Variants in CERS6 observed in about 807,000 individuals in gnomAD.
The protein encoded by CERS6 is ceramide synthase 6.
A neutral mutation model predicts 56.8 loss-of-function variants in CERS6; 26 were observed. That is an observed-to-expected ratio of 0.46 (90% CI 0.34 to 0.63). CERS6 has a LOEUF of 0.63. Among genes scored for constraint, CERS6 ranks in the 30% least tolerant of loss-of-function variants. CERS6 has a pLI of 0.01. For synonymous variants in CERS6, 164 were observed against 173.3 expected (o/e 0.95, Z 0.42); for missense variants, 415 against 467.5 (o/e 0.89, Z 1.04).
chr2:168,649,360 C>A (rs1375485874), intron 4 of CERS6, among the ~76,000 whole-genome samples: 1 of 152,134 alleles, frequency 6.6e-6, no homozygotes, highest in East Asian at 1.9e-4. Flanking sequence ...AATGGCCTCT[C>A]CTGGTAAAAA....
chr2:168,719,999 GATCTTGGAT>G (rs1687320494), intron 8 of CERS6, among the ~76,000 whole-genome samples: 1 of 150,970 alleles, frequency 6.6e-6, no homozygotes, highest in Non-Finnish European at 1.5e-5. Flanking sequence ...GCAGTGGTGT[GATCTTGGAT>G]CACTGCAGTC....
intron 3 of CERS6, among the ~76,000 whole-genome samples, chr2:168,602,746 T>C (rs1683965018): frequency 1.3e-5 from 2 of 152,216 alleles, no homozygotes; most frequent in South Asian, 2.1e-4. Flanking sequence ...TATTTGTGTA[T>C]GCATAAAGGA....
At chr2:168,609,937 T>C (rs1684142638) in intron 3 of CERS6, among the ~76,000 whole-genome samples, 1 of 151,550 alleles carries the variant, frequency 6.6e-6, no homozygotes, top group Non-Finnish European at 1.5e-5. Context: ...ACTCCAAATA[T>C]TGTCACAAGC....
At chr2:168,768,362 TG>T (rs1684774930) in intron 9 of CERS6, among the ~76,000 whole-genome samples, 1 of 151,826 alleles carries the variant, frequency 6.6e-6, no homozygotes, top group African/African-American at 2.4e-5. Flanking sequence ...CCAGAGTAGC[TG>T]AGATTACAGA....
chr2:168,488,516 T>C (rs1694313601), intron 1 of CERS6, among the ~76,000 whole-genome samples: 1 of 152,148 alleles, frequency 6.6e-6, no homozygotes, highest in South Asian at 2.1e-4. Flanking sequence ...AAAAATCTTT[T>C]TTCATGGGTG....
intron 1 of CERS6, among the ~76,000 whole-genome samples, chr2:168,536,871 C>G (rs374921337): frequency 6.6e-6 from 1 of 152,074 alleles, no homozygotes; most frequent in East Asian, 1.9e-4. Context: ...ACTTTCTACA[C>G]TTGATGTAAT....
At chr2:168,593,963 TA>T (rs1683735548) in intron 3 of CERS6, among the ~76,000 whole-genome samples, 1 of 152,246 alleles carries the variant, frequency 6.6e-6, no homozygotes, top group Non-Finnish European at 1.5e-5. Context: ...CCAGGAATGG[TA>T]TTGCTACATT....
intron 4 of CERS6, among the ~76,000 whole-genome samples, chr2:168,636,225 A>G (rs374704806): frequency 7.9e-5 from 12 of 152,202 alleles, no homozygotes; most frequent in East Asian, 7.7e-4. Flanking sequence ...AATTTCAGAA[A>G]GATGAATTGA....
chr2:168,720,486 T>C (rs565060002), intron 8 of CERS6, among the ~76,000 whole-genome samples: 58 of 152,120 alleles, frequency 3.8e-4, no homozygotes, highest in Non-Finnish European at 7.4e-4. Context: ...TGATTGACAT[T>C]CTTAAGTCTG....
intron 3 of CERS6, among the ~76,000 whole-genome samples, chr2:168,598,494 C>CA (rs1234581250): frequency 3.3e-5 from 5 of 150,430 alleles, no homozygotes; most frequent in African/African-American, 1.2e-4. Flanking sequence ...TGGCAAGGGG[C>CA]AAAAAAATAG....
chr2:168,695,132 C>T, intron 6 of CERS6, 81 bp downstream of exon 6: 1 of 1,019,726 alleles, frequency 9.8e-7, no homozygotes. Flanking sequence ...CTCTCAAAGG[C>T]ACTCACCCCT....
At chr2:168,670,650 G>T (rs1685884289) in intron 4 of CERS6, among the ~76,000 whole-genome samples, 1 of 152,130 alleles carries the variant, frequency 6.6e-6, no homozygotes, top group Non-Finnish European at 1.5e-5. Flanking sequence ...TACAATGATA[G>T]TGATTTCCTT....
chr2:168,569,680 C>T (rs1270758873), intron 3 of CERS6, among the ~76,000 whole-genome samples: 10 of 152,206 alleles, frequency 6.6e-5, no homozygotes, highest in Admixed American at 1.3e-4. Context: ...GACATTCACA[C>T]TTTTACCACA....
intron 3 of CERS6, among the ~76,000 whole-genome samples, chr2:168,610,047 G>A (rs371659500): frequency 5.1e-5 from 7 of 136,656 alleles, no homozygotes; most frequent in Non-Finnish European, 4.6e-5. Context: ...GCGCGACCTC[G>A]GCTCACTGCA....
At chr2:168,504,951 C>T (rs367864958) in intron 1 of CERS6, among the ~76,000 whole-genome samples, 35 of 152,192 alleles carry the variant, frequency 2.3e-4, no homozygotes, top group African/African-American at 7.9e-4. Context: ...GTGTATCAGG[C>T]GGTTCTCTTA....
Position 168,559,733 on chromosome 2 carries a change from TCATATATATA to T in CERS6, c.277-1458_277-1449del, listed in dbSNP as rs1236178543. Among the ~76,000 whole-genome samples the T allele has an allele frequency of 3.5e-4, 23 of 66,288 alleles. 4 individuals carry two copies. In the South Asian group the frequency reaches 5.7e-3, roughly 16 times the overall value. 43.5% of individuals were successfully genotyped at this position (66,288 alleles called of 152,430 possible). A position where few individuals can be genotyped will look rare whatever the true frequency, so the allele number is the denominator to read the frequency against. On this transcript the variant is annotated intron_variant, in intron 2 of 9. Coordinates refer to ENST00000305747, the MANE Select transcript of CERS6 (RefSeq NM_203463.3). ...TGCTTGAGCTGCTTTTAGAAAGGTA[TCATATATATA>T]TATATATATATTTCACCCTTATTAC...
intron 4 of CERS6, among the ~76,000 whole-genome samples, chr2:168,643,908 A>C (rs563785797): frequency 2.9e-4 from 44 of 152,336 alleles, no homozygotes; most frequent in African/African-American, 1.0e-3. Flanking sequence ...TCCAGAATTT[A>C]AGATGTGGAT....
chr2:168,497,241 G>T (rs1436357639), intron 1 of CERS6, among the ~76,000 whole-genome samples: 9 of 152,178 alleles, frequency 5.9e-5, no homozygotes, highest in Admixed American at 5.9e-4. Context: ...GTTTTGTCTA[G>T]TCCGACTAGA....
chr2:168,531,391 T>C (rs567399604), intron 1 of CERS6, among the ~76,000 whole-genome samples: 1 of 152,272 alleles, frequency 6.6e-6, no homozygotes, highest in Non-Finnish European at 1.5e-5. Context: ...TAAAGGAAGT[T>C]TTTGAATGCT....
Sources: gnomAD v4.1 joint callset for allele counts (sites outside exome capture counted in the v4.1 genomes callset) on GRCh38, gnomAD v4.1.1 for gene constraint, MANE v1.5 for transcripts, NCBI Gene and HGNC (gene_info 2026-07-23, HGNC 2026-07-21) for gene names.